IL17REL: variants seen among roughly 807,000 people sequenced by gnomAD.
The protein encoded by IL17REL is interleukin 17 receptor E like, also known as interleukin-17 receptor E-like protein.
In IL17REL, 36 loss-of-function variants were observed where a neutral mutation model predicts 49.0. The ratio of observed to expected loss-of-function variants is 0.73; its 90% CI spans 0.56 to 0.97. The LOEUF is 0.97. Ranked by LOEUF, IL17REL falls within the 50% of genes least tolerant of loss-of-function variation. The pLI, the probability that IL17REL is intolerant of heterozygous loss-of-function variation, is 0.00. For missense variants in IL17REL, 470 were observed against 453.9 expected (o/e 1.04, Z -0.32); for synonymous variants, 206 against 192.4 (o/e 1.07, Z -0.58).
intron 5 of IL17REL, 27 bp downstream of exon 7, chr22:49,999,801 A>AC: frequency 2.0e-6 from 3 of 1,476,402 alleles, no homozygotes; most frequent in Non-Finnish European, 2.7e-6. Flanking sequence ...CCTAAGGCTG[A>AC]CCGGGGCCCG....
intron 1 of IL17REL, among the ~76,000 whole-genome samples, chr22:50,002,865 C>G (rs1249776253): frequency 1.3e-5 from 2 of 152,228 alleles, no homozygotes; most frequent in African/African-American, 4.8e-5. Flanking sequence ...ATCCTCCTGC[C>G]TGAGACAGCT....
At chr22:49,998,111 C>T in intron 8 of IL17REL, 26 bp downstream of exon 10, 2 of 1,594,014 alleles carry the variant, frequency 1.3e-6, no homozygotes, top group Non-Finnish European at 1.7e-6. Context: ...CATGCCCACC[C>T]CCATCCCTGC....
chr22:49,997,890 A>T lies in IL17REL; in HGVS notation c.819+135T>A, dbSNP rs943578040. 2.9e-6 allele frequency: 4 copies of T among 1,402,612 alleles called. No homozygotes were observed. In the African/African-American group the frequency reaches 5.7e-5, roughly 20 times the overall value. 86.9% of individuals were successfully genotyped at this position (1,402,612 alleles called of 1,614,324 possible). A position where few individuals can be genotyped will look rare whatever the true frequency, so the allele number is the denominator to read the frequency against. ...AGGCCCTTAGCTCACCCACTGTCAG[A>T]CCAGGAGGGGGCTCTGAGGGACGCC... On this transcript the variant is annotated intron_variant, in intron 9 of 12. Coordinates refer to ENST00000341280, the Ensembl canonical transcript of IL17REL.
chr22:50,000,882 C>T lies in IL17REL; in HGVS notation c.110-19G>A, dbSNP rs199791577. The T allele has an allele frequency of 1.2e-5, 18 of 1,505,004 alleles. No homozygotes were observed. Among genetic ancestry groups the T allele is most frequent in the Non-Finnish European group, 1.4e-5 (16 of 1,128,086 alleles). The allele number at this position is 1,505,004 out of a possible 1,614,324, so 93.2% of individuals were successfully genotyped here. On this transcript the variant is annotated intron_variant, in intron 2 of 12. Transcript: ENST00000341280. ...AGGCGCTCTGGGTGGAGGAAGGACCCGGCAGGGTGCATCAGAGCAGGGCCG... is the reference window on the plus strand; with the variant it reads ...AGGCGCTCTGGGTGGAGGAAGGACCTGGCAGGGTGCATCAGAGCAGGGCCG...
chr22:50,000,670 G>C (rs2061072873), intron 3 of IL17REL, 78 bp from the exon 5 acceptor site: 1 of 1,547,698 alleles, frequency 6.5e-7, no homozygotes, highest in Non-Finnish European at 8.9e-7. Context: ...TTGCATGGCT[G>C]GAGCTTAGAG....
chr22:50,010,052 C>A (rs569781378), upstream of IL17REL, among the ~76,000 whole-genome samples: 80 of 128,614 alleles, frequency 6.2e-4, no homozygotes, highest in African/African-American at 2.3e-3. Flanking sequence ...CGCAGGACCC[C>A]ACCCTGCAGA....
At chr22:49,994,382 C>G (rs926051821), downstream of IL17REL, 1 of 152,490 alleles carries the variant, frequency 6.6e-6, no homozygotes, top group Non-Finnish European at 1.5e-5. Flanking sequence ...CCCTGCCCCC[C>G]ACATGCCCAT....
Position 49,999,609 on chromosome 22 carries a change from G to T in IL17REL, c.475-107C>A, listed in dbSNP as rs1221243381. The T allele has an allele frequency of 9.5e-6, 8 of 846,230 alleles. No individual in the cohort carries two copies. The East Asian group carries it at 2.0e-4, about 21-fold the overall frequency. The allele number at this position is 846,230 out of a possible 1,614,324, so 52.4% of individuals were successfully genotyped here. A position where few individuals can be genotyped will look rare whatever the true frequency, so the allele number is the denominator to read the frequency against. On this transcript the variant is annotated intron_variant, in intron 5 of 12. Coordinates refer to ENST00000341280, the Ensembl canonical transcript of IL17REL. ...GCGGGAGCGGGGACGGGAGGTGGGT[G>T]GGGCCTAGGCCTGGCCGGGGGCGGG... is the stretch of plus-strand genomic sequence containing the variant.
intron 4 of IL17REL, 110 bp downstream of exon 5, chr22:50,000,368 G>A: frequency 1.3e-6 from 1 of 798,766 alleles, no homozygotes; most frequent in Non-Finnish European, 2.1e-6. Context: ...GAGGTCTTGC[G>A]GGGATCTGTC....
At chr22:50,010,801 A>C (rs1601894942), upstream of IL17REL, among the ~76,000 whole-genome samples, 4 of 84,446 alleles carry the variant, frequency 4.7e-5, no homozygotes, top group African/African-American at 2.1e-4. Context: ...GCTGGGGGGA[A>C]GGTGGGGGGA....
At position 50,001,462 on chromosome 22, in the gene IL17REL, G is replaced by GGGC. The variant is rs1449604782; in HGVS notation, c.-41-234_-41-232dup. ...CCCCAGGAGTGGGCCTGGGTCAGGG[G>GGGC]GGCAGGCTGCACACCAGTCTGCATC... On this transcript the variant is annotated intron_variant, in intron 1 of 12. Transcript: ENST00000341280. 2.0e-5 allele frequency among the ~76,000 whole-genome samples: 3 copies of GGGC among 152,276 alleles called. No individual in the cohort carries two copies. In the South Asian group the frequency reaches 6.2e-4, roughly 32 times the overall value.
chr22:49,997,268 T>G, intron 11 of IL17REL, 52 bp downstream of exon 13: 1 of 1,560,750 alleles, frequency 6.4e-7, no homozygotes, highest in Non-Finnish European at 8.8e-7. Context: ...GATGGGGTCC[T>G]GCCGCCACCA....
chr22:49,992,422 T>C (rs1200854423), downstream of IL17REL, among the ~76,000 whole-genome samples: 1 of 152,188 alleles, frequency 6.6e-6, no homozygotes, highest in Admixed American at 6.5e-5. Context: ...GGGACCACCC[T>C]ATTTTTGAAA....
Position 49,999,885 on chromosome 22 carries a change from G to C in IL17REL, c.417C>G (p.Tyr139Ter). ...ACCGCTTGAGGCAGAGCCGCAGGTA[G>C]TAGTCGGGGCTCCCGGAGGCCCTGG... is the stretch of plus-strand genomic sequence containing the variant. Residue 139 changes from tyrosine to a stop codon, truncating the protein, a stop_gained, in exon 5 of 13, where the codon TAC becomes TAG. Transcript: ENST00000341280. LOFTEE classifies it high-confidence loss of function. 5 of 1,544,972 alleles carry C rather than the reference G, an allele frequency of 3.2e-6. No homozygotes were observed. The highest frequency in any genetic ancestry group is 4.4e-6 in the Non-Finnish European group (5 of 1,145,512).
chr22:50,001,299 T>A, intron 1 of IL17REL, 68 bp from the exon 3 acceptor site: 1 of 696,454 alleles, frequency 1.4e-6, no homozygotes. Flanking sequence ...TGGGTGGTTC[T>A]GGGAAGGGGG....
At chr22:49,999,192 T>C in intron 7 of IL17REL, 99 bp downstream of exon 9, 1 of 1,425,612 alleles carries the variant, frequency 7.0e-7, no homozygotes, top group Non-Finnish European at 9.9e-7. Flanking sequence ...AGGCTGGGCC[T>C]GCTCCTTATC....
intron 1 of IL17REL, among the ~76,000 whole-genome samples, chr22:50,006,710 T>C (rs2061112224): frequency 6.6e-6 from 1 of 151,984 alleles, no homozygotes; most frequent in African/African-American, 2.4e-5. Flanking sequence ...TCCCAGCACT[T>C]TGGGAGGCCG....
chr22:49,993,724 C>T (rs148779308), downstream of IL17REL, among the ~76,000 whole-genome samples: 52 of 152,298 alleles, frequency 3.4e-4, no homozygotes, highest in Middle Eastern at 0.01. The surrounding 1 kb of genome is among the most constrained non-coding windows in gnomAD (Gnocchi z 6.0). Flanking sequence ...AGCCCACACC[C>T]GTCAGGCAGG....
At chr22:50,010,597 G>C (rs552356348), upstream of IL17REL, among the ~76,000 whole-genome samples, 14 of 152,354 alleles carry the variant, frequency 9.2e-5, no homozygotes, top group African/African-American at 3.4e-4. Flanking sequence ...CTGGGGGCTC[G>C]GAGGCCGGGG....
Sources: gnomAD v4.1 joint callset for allele counts (sites outside exome capture counted in the v4.1 genomes callset) on GRCh38, gnomAD v4.1.1 for gene constraint, Gnocchi (gnomAD v3.1) non-coding constraint, MANE v1.5 for transcripts, NCBI Gene and HGNC (gene_info 2026-07-23, HGNC 2026-07-21) for gene names.